LRCH1: variants seen among roughly 807,000 people sequenced by gnomAD.
LRCH1 encodes the protein leucine-rich repeat and calponin homology domain-containing protein 1.
LRCH1 carries 23 observed loss-of-function variants against 94.9 expected under a neutral mutation model. That is an observed-to-expected ratio of 0.24 (90% CI 0.17 to 0.34). The LOEUF is 0.34. LRCH1 is among the 10% of genes least tolerant of loss of function. LRCH1 has a pLI of 1.00. For missense variants in LRCH1, 790 were observed against 945.9 expected (o/e 0.84, Z 2.16); for synonymous variants, 364 against 354.9 (o/e 1.03, Z -0.29).
At chr13:46,591,715 A>G (rs1269211978) in intron 1 of LRCH1, among the ~76,000 whole-genome samples, 1 of 152,256 alleles carries the variant, frequency 6.6e-6, no homozygotes, top group Admixed American at 6.5e-5. Context: ...CAAATAGGAT[A>G]CTAACCCCTG....
rs148888645 is a variant in LRCH1, at chr13:46,728,944, C to A, written c.1967C>A (p.Pro656Gln). 6 of 1,613,388 alleles carry A rather than the reference C, an allele frequency of 3.7e-6. No homozygotes were observed. Among genetic ancestry groups the A allele is most frequent in the African/African-American group, 1.3e-5 (1 of 74,920 alleles). ...TGCCATCTGGTCAACCACATCCGCC[C>A]ACGGTCGGTTGCAAGCATCCATGTC... ...VLCHLVNHIR[P>Q]RSVASIHVPS... is the part of the protein sequence containing the mutation. The change falls in exon 18 of 20, where the codon CCA (proline) becomes CAA (glutamine). Residue 656 changes from proline to glutamine, a missense_variant. Pro to Gln is a moderately conservative substitution (Grantham distance 76). Coordinates refer to ENST00000389797, the MANE Select transcript of LRCH1 (RefSeq NM_001164211.2).
intron 1 of LRCH1, among the ~76,000 whole-genome samples, chr13:46,568,619 C>T (rs570820551): frequency 4.6e-5 from 7 of 152,210 alleles, no homozygotes; most frequent in Non-Finnish European, 8.8e-5. Flanking sequence ...TTAAAAATTA[C>T]AAAATATTGC....
chr13:46,565,741 C>T (rs1434077644), intron 1 of LRCH1, among the ~76,000 whole-genome samples: 4 of 151,032 alleles, frequency 2.6e-5, no homozygotes, highest in Admixed American at 6.6e-5. Context: ...AACTGGGAGG[C>T]GGAGGTTGCA....
chr13:46,644,107 G>T (rs117260745), intron 1 of LRCH1, among the ~76,000 whole-genome samples: 2 of 152,112 alleles, frequency 1.3e-5, no homozygotes, highest in Non-Finnish European at 2.9e-5. Context: ...CATCGTTAGC[G>T]TTGGGCACAA....
intron 16 of LRCH1, among the ~76,000 whole-genome samples, chr13:46,721,212 A>G (rs910592198): frequency 1.5e-4 from 23 of 152,212 alleles, no homozygotes; most frequent in Non-Finnish European, 2.9e-4. Context: ...TCATATTCAG[A>G]TTGAAATCTG....
rs535020427 is a variant in LRCH1 at position 46,608,260 on chromosome 13, A to G, written c.308-41941A>G. On this transcript the variant is annotated intron_variant, in intron 1 of 19. Coordinates refer to ENST00000389797, the MANE Select transcript of LRCH1 (RefSeq NM_001164211.2). Reference sequence around the variant, plus strand: ...GCAGACGTGTTCTTGTGCGACCTCCAGATGTGGTGTGGAGATGGAAGATGG... The same window carrying G: ...GCAGACGTGTTCTTGTGCGACCTCCGGATGTGGTGTGGAGATGGAAGATGG... Among the ~76,000 whole-genome samples the G allele has an allele frequency of 1.0e-3, 157 of 152,250 alleles. 1 individual carries two copies. The highest frequency in any genetic ancestry group is 3.4e-3 in the Middle Eastern group (1 of 294).
exon 19 of LRCH1, chr13:46,750,625 C>A: frequency 6.4e-7 from 1 of 1,551,620 alleles, no homozygotes; most frequent in Non-Finnish European, 8.7e-7. Context: ...CTAGACATCA[C>A]CGTAACGAAG....
intron 18 of LRCH1, among the ~76,000 whole-genome samples, chr13:46,733,438 A>G (rs530251249): frequency 1.3e-5 from 2 of 152,234 alleles, no homozygotes; most frequent in Admixed American, 6.5e-5. Flanking sequence ...ATATAGGAAT[A>G]TATTTGTTGA....
At chr13:46,654,406 G>A (rs755464572) in intron 2 of LRCH1, among the ~76,000 whole-genome samples, 3 of 152,186 alleles carry the variant, frequency 2.0e-5, no homozygotes, top group Non-Finnish European at 4.4e-5. Flanking sequence ...TGTTGGGTAT[G>A]GTGAAGGGTC....
At chr13:46,617,994 T>C (rs573444427) in intron 1 of LRCH1, among the ~76,000 whole-genome samples, 1 of 152,294 alleles carries the variant, frequency 6.6e-6, no homozygotes, top group South Asian at 2.1e-4. Context: ...CTGATAATGA[T>C]ACCCTTAGTG....
In LRCH1 at chr13:46,711,479, C is replaced by G. The variant is rs188281740; in HGVS notation, c.1528-312C>G. Among the ~76,000 whole-genome samples, 19 of 152,324 alleles carry G rather than the reference C, an allele frequency of 1.2e-4. 1 individual carries two copies. The highest frequency in any genetic ancestry group is 3.9e-4 in the East Asian group (2 of 5,188). On this transcript the variant is annotated intron_variant, in intron 13 of 19. Coordinates refer to ENST00000389797, the MANE Select transcript of LRCH1 (RefSeq NM_001164211.2). ...TAATTAAAATGAGGATGGGAACCAG[C>G]AGGCAGCTTGGTCACCTAGCAAGGT...
chr13:46,661,597 G>A (rs959181817), intron 2 of LRCH1, among the ~76,000 whole-genome samples: 2 of 152,134 alleles, frequency 1.3e-5, no homozygotes, highest in Non-Finnish European at 2.9e-5. Flanking sequence ...GAACACTAAA[G>A]AAGAATCTAG....
chr13:46,699,990 G>A lies in LRCH1; in HGVS notation c.1313+587G>A, dbSNP rs545606590. ...GCACAGAGAGATTGATTATCTTGCC[G>A]CAAGGTCACAGAGGGCCAGCATTTG... On this transcript the variant is annotated intron_variant, in intron 10 of 19. Transcript: ENST00000389797. 2.6e-5 allele frequency among the ~76,000 whole-genome samples: 4 copies of A among 152,250 alleles called. No individual in the cohort carries two copies. The South Asian group carries it at 8.3e-4, about 32-fold the overall frequency.
Position 46,687,990 on chromosome 13 carries a change from C to T in LRCH1, c.950+11C>T. On this transcript the variant is annotated intron_variant, in intron 6 of 19. Transcript: ENST00000389797. ...GCACGTGGAAGATGGGTGAGTCATG[C>T]CCTCATTCAAAGCCCCAGTTTAAAA... The T allele has an allele frequency of 6.2e-7, 1 of 1,600,074 alleles. No individual in the cohort carries two copies. Among genetic ancestry groups the T allele is most frequent in the Non-Finnish European group, 8.5e-7 (1 of 1,173,202 alleles).
intron 1 of LRCH1, among the ~76,000 whole-genome samples, chr13:46,592,681 C>T (rs1468000362): frequency 6.6e-6 from 1 of 152,194 alleles, no homozygotes; most frequent in Non-Finnish European, 1.5e-5. Context: ...ATATACATTT[C>T]TGCCAGCTCT....
At chr13:46,625,631 G>GTTTTTTTTTTTTTTTTTTTTTTTTTTT (rs149512536) in intron 1 of LRCH1, among the ~76,000 whole-genome samples, 3 of 126,266 alleles carry the variant, frequency 2.4e-5, no homozygotes, top group Non-Finnish European at 3.3e-5. Context: ...AAATGTGTGG[G>GTTTTTTTTTTTTTTTTTTTTTTTTTTT]GTTTTTTTTT....
At chr13:46,731,656 C>G (rs1015944030) in intron 18 of LRCH1, among the ~76,000 whole-genome samples, 5 of 152,182 alleles carry the variant, frequency 3.3e-5, no homozygotes, top group Admixed American at 2.0e-4. Flanking sequence ...GTCCAATTAT[C>G]AAAAATTCTT....
chr13:46,562,664 C>G (rs1261942850), intron 1 of LRCH1, among the ~76,000 whole-genome samples: 2 of 152,182 alleles, frequency 1.3e-5, no homozygotes, highest in East Asian at 3.8e-4. Flanking sequence ...CTGACTCACC[C>G]CTGCTGTAGC....
intron 1 of LRCH1, among the ~76,000 whole-genome samples, chr13:46,611,904 T>C (rs893938259): frequency 3.3e-5 from 5 of 152,240 alleles, no homozygotes; most frequent in East Asian, 3.8e-4. Flanking sequence ...GAAAAGATCA[T>C]AGGGCACCAT....
Sources: gnomAD v4.1 joint callset for allele counts (sites outside exome capture counted in the v4.1 genomes callset) on GRCh38, gnomAD v4.1.1 for gene constraint, MANE v1.5 for transcripts, NCBI Gene and HGNC (gene_info 2026-07-23, HGNC 2026-07-21) for gene names.